ADGRB3: variants seen among roughly 807,000 people sequenced by gnomAD.
ADGRB3 encodes the protein adhesion G protein-coupled receptor B3, also known as brain-specific angiogenesis inhibitor 3.
ADGRB3 carries 37 observed loss-of-function variants against 193.4 expected under a neutral mutation model. The observed-to-expected ratio is 0.19, with a 90% CI of 0.15 to 0.25. ADGRB3 has a LOEUF of 0.25. Among genes scored for constraint, ADGRB3 ranks in the 10% least tolerant of loss-of-function variants. The probability of loss-of-function intolerance (pLI) is 1.00; values close to 1 mark genes in which losing one functional copy is unlikely to be tolerated. For synonymous variants in ADGRB3, 690 were observed against 644.2 expected (o/e 1.07, Z -1.08); for missense variants, 1,637 against 1,852.9 (o/e 0.88, Z 2.14).
At chr6:69,027,676 A>G (rs1354638395) in intron 13 of ADGRB3, among the ~76,000 whole-genome samples, 1 of 152,168 alleles carries the variant, frequency 6.6e-6, no homozygotes, top group Non-Finnish European at 1.5e-5. Context: ...CTTGAGTGAA[A>G]ACAGGAAGAG....
At chr6:69,032,910 A>G (rs968366907) in intron 13 of ADGRB3, among the ~76,000 whole-genome samples, 2 of 152,268 alleles carry the variant, frequency 1.3e-5, no homozygotes, top group Admixed American at 1.3e-4. Context: ...GGTAACATAT[A>G]TTTAGCACAT....
At chr6:68,839,080 TCACACACACA>T (rs10591017) in intron 3 of ADGRB3, among the ~76,000 whole-genome samples, 7 of 138,128 alleles carry the variant, frequency 5.1e-5, no homozygotes, top group African/African-American at 9.0e-5. Context: ...TGTCTCTCTG[TCACACACACA>T]CACACACACA....
chr6:69,074,898 G>T (rs1024348299), intron 16 of ADGRB3, among the ~76,000 whole-genome samples: 2 of 152,092 alleles, frequency 1.3e-5, no homozygotes, highest in South Asian at 4.1e-4. Context: ...CAATGACCAG[G>T]TTGGATGAAG....
rs146686022 is a variant in ADGRB3, at chr6:68,993,980, G to A, written c.1929+18G>A. 4.5e-5 allele frequency: 72 copies of A among 1,609,204 alleles called. No individual in the cohort carries two copies. In the African/African-American group the frequency reaches 7.5e-4, roughly 17 times the overall value. On this transcript the variant is annotated intron_variant, in intron 11 of 31. Coordinates refer to ENST00000370598, the MANE Select transcript of ADGRB3 (RefSeq NM_001704.3). ...GTGTCCAGGTAAGGGAGACAAGTTC[G>A]TGAAGGAAAGGGCTAGTGAAGATGC...
chr6:69,186,725 A>G (rs1300329274), intron 17 of ADGRB3, among the ~76,000 whole-genome samples: 2 of 152,122 alleles, frequency 1.3e-5, no homozygotes, highest in Admixed American at 6.6e-5. Flanking sequence ...TCAGATATAT[A>G]CCAACACCAA....
chr6:69,246,243 G>A (rs894223093), intron 20 of ADGRB3, among the ~76,000 whole-genome samples: 6 of 152,134 alleles, frequency 3.9e-5, no homozygotes, highest in Non-Finnish European at 8.8e-5. Flanking sequence ...TGTCCCAAGT[G>A]TAAGTCTATT....
At chr6:69,370,958 G>A (rs923949248) in intron 29 of ADGRB3, among the ~76,000 whole-genome samples, 8 of 152,016 alleles carry the variant, frequency 5.3e-5, no homozygotes, top group Admixed American at 2.6e-4. Context: ...CAATAGTGGC[G>A]GGGAGATGGC....
intron 17 of ADGRB3, among the ~76,000 whole-genome samples, chr6:69,088,366 T>C (rs1772608400): frequency 6.6e-6 from 1 of 151,702 alleles, no homozygotes; most frequent in South Asian, 2.1e-4. Flanking sequence ...TGTTTCTTTG[T>C]TGTTGTTGTT....
At chr6:69,142,174 T>A (rs1291448190) in intron 17 of ADGRB3, among the ~76,000 whole-genome samples, 1 of 152,208 alleles carries the variant, frequency 6.6e-6, no homozygotes. Flanking sequence ...TTCAAGTGGT[T>A]AAACCGACCT....
intron 23 of ADGRB3, among the ~76,000 whole-genome samples, chr6:69,331,025 A>C (rs753561140): frequency 5.9e-5 from 9 of 152,098 alleles, no homozygotes; most frequent in Non-Finnish European, 1.2e-4. Context: ...ATTTTGGATC[A>C]TATGTTTGTT....
chr6:69,382,828 C>T lies in ADGRB3; in HGVS notation c.4276-3C>T. 6.3e-7 allele frequency: 1 copy of T among 1,587,802 alleles called. No individual in the cohort carries two copies. Among genetic ancestry groups the T allele is most frequent in the South Asian group, 1.1e-5 (1 of 87,562 alleles). ...ATGAGAGCTATCTTGTTCTTTTTTG[C>T]AGAAGGTCATGCATACAAGGAAGAG... On this transcript the variant is annotated splice_polypyrimidine_tract_variant and splice_region_variant and intron_variant, in intron 30 of 31. Coordinates refer to ENST00000370598, the MANE Select transcript of ADGRB3 (RefSeq NM_001704.3).
At chr6:69,348,627 A>C (rs1582648554) in intron 26 of ADGRB3, among the ~76,000 whole-genome samples, 1 of 151,586 alleles carries the variant, frequency 6.6e-6, no homozygotes, top group African/African-American at 2.4e-5. Flanking sequence ...GTGCCACTGC[A>C]CTCCAGCCTG....
chr6:68,731,153 T>G lies in ADGRB3; in HGVS notation c.757+91721T>G, dbSNP rs561232642. On this transcript the variant is annotated intron_variant, in intron 3 of 31. Transcript: ENST00000370598. ...ATTATAGGTTAAAGAAATTGAAGAA[T>G]AATAATGATAATAGGACATATATAA... Among the ~76,000 whole-genome samples the G allele has an allele frequency of 2.6e-5, 4 of 151,282 alleles. No homozygotes were observed. The South Asian group carries it at 8.3e-4, about 31-fold the overall frequency.
chr6:68,994,059 G>T, intron 11 of ADGRB3, 97 bp downstream of exon 11: 3 of 1,193,252 alleles, frequency 2.5e-6, no homozygotes, highest in Non-Finnish European at 3.5e-6. Context: ...GCGGACTGGA[G>T]GAAGATAATG....
intron 17 of ADGRB3, among the ~76,000 whole-genome samples, chr6:69,107,534 G>A (rs1455659355): frequency 6.6e-6 from 1 of 152,066 alleles, no homozygotes; most frequent in Non-Finnish European, 1.5e-5. Context: ...TGAATTACTA[G>A]CAGTTACAAA....
At chr6:68,720,317 T>C (rs1160956895) in intron 3 of ADGRB3, among the ~76,000 whole-genome samples, 1 of 151,792 alleles carries the variant, frequency 6.6e-6, no homozygotes. Flanking sequence ...ATATGCCTGG[T>C]ATAAATCCAT....
At chr6:68,666,009 T>C in intron 3 of ADGRB3, among the ~76,000 whole-genome samples, 1 of 151,864 alleles carries the variant, frequency 6.6e-6, no homozygotes, top group East Asian at 1.9e-4. Flanking sequence ...TTTAACTATT[T>C]TGGTGTGCAT....
At chr6:68,815,603 TTGTGTGTGTGTGTG>T (rs5877170) in intron 3 of ADGRB3, among the ~76,000 whole-genome samples, 1 of 137,200 alleles carries the variant, frequency 7.3e-6, no homozygotes, top group African/African-American at 2.5e-5. Flanking sequence ...CCATCAAAAA[TTGTGTGTGTGTGTG>T]TGTGTGTGTG....
At chr6:69,174,968 T>C (rs1775382551) in intron 17 of ADGRB3, among the ~76,000 whole-genome samples, 2 of 152,212 alleles carry the variant, frequency 1.3e-5, no homozygotes, top group Non-Finnish European at 2.9e-5. Flanking sequence ...ATTTGCTTTT[T>C]GCTTGTTGAA....
Sources: gnomAD v4.1 joint callset for allele counts (sites outside exome capture counted in the v4.1 genomes callset) on GRCh38, gnomAD v4.1.1 for gene constraint, MANE v1.5 for transcripts, NCBI Gene and HGNC (gene_info 2026-07-23, HGNC 2026-07-21) for gene names.